Variants in TMEM212 observed in about 807,000 individuals in gnomAD.
TMEM212 encodes transmembrane protein 212.
In TMEM212, 23 loss-of-function variants were observed where a neutral mutation model predicts 20.5. The observed-to-expected ratio is 1.12, with a 90% CI of 0.81 to 1.59. The LOEUF is 1.59. Among genes scored for constraint, TMEM212 ranks in the 40% most tolerant of loss-of-function variants. TMEM212 has a pLI of 0.00. For synonymous variants in TMEM212, 76 were observed against 81.6 expected (o/e 0.93, Z 0.37); for missense variants, 211 against 215.0 (o/e 0.98, Z 0.12).
chr3:171,857,215 A>T (rs891553554), intron 4 of TMEM212, among the ~76,000 whole-genome samples: 1 of 152,148 alleles, frequency 6.6e-6, no homozygotes, highest in Non-Finnish European at 1.5e-5. Context: ...ATAAAATAAA[A>T]ATGGTTTACA....
At position 171,847,849 on chromosome 3, in the gene TMEM212, G is replaced by A. The variant is rs911842609; in HGVS notation, c.160-4133G>A. Among the ~76,000 whole-genome samples the A allele has an allele frequency of 2.6e-5, 4 of 152,132 alleles. No homozygotes were observed. In the South Asian group the frequency reaches 6.2e-4, roughly 24 times the overall value. On this transcript the variant is annotated intron_variant, in intron 1 of 4. Coordinates refer to ENST00000334567, the MANE Select transcript of TMEM212 (RefSeq NM_001164436.2). ...TGATCAGATATTGAGACTAGGGGGG[G>A]TTCTTGCTAAACTGACTCATCAGCA... is the stretch of plus-strand genomic sequence containing the variant.
chr3:171,843,896 A>G (rs1198615205), intron 1 of TMEM212, among the ~76,000 whole-genome samples: 1 of 152,250 alleles, frequency 6.6e-6, no homozygotes, highest in Non-Finnish European at 1.5e-5. Context: ...AACCTTGAAA[A>G]GTAATTTTAA....
intron 1 of TMEM212, among the ~76,000 whole-genome samples, chr3:171,850,752 G>T (rs1200954052): frequency 6.6e-6 from 1 of 152,264 alleles, no homozygotes. Context: ...ACTACAGATG[G>T]TTCTGTTTTT....
Position 171,846,919 on chromosome 3 carries a change from A to T in TMEM212, c.159+3377A>T, listed in dbSNP as rs142218290. 1.5e-3 allele frequency among the ~76,000 whole-genome samples: 234 copies of T among 152,300 alleles called. 1 individual carries two copies. The highest frequency in any genetic ancestry group is 2.8e-3 in the Non-Finnish European group (188 of 68,028). On this transcript the variant is annotated intron_variant, in intron 1 of 4. Transcript: ENST00000334567. The stretch of plus-strand genomic sequence containing the variant: ...CCAGTGACAAGATTTGTACATTTCA[A>T]CCATATTAACATTTCCTTTTACAGA...
chr3:171,847,288 G>A (rs1724854348), intron 1 of TMEM212, among the ~76,000 whole-genome samples: 1 of 152,228 alleles, frequency 6.6e-6, no homozygotes, highest in Admixed American at 6.5e-5. Context: ...GGGCTGGACA[G>A]CCCAGTGACT....
chr3:171,845,806 T>C (rs1407946128), intron 1 of TMEM212, among the ~76,000 whole-genome samples: 4 of 152,046 alleles, frequency 2.6e-5, no homozygotes, highest in Non-Finnish European at 5.9e-5. Flanking sequence ...ATCTGTAAAA[T>C]GGGGAATTTT....
chr3:171,858,006 T>C (rs1725157636), intron 4 of TMEM212, 55 bp from the exon 5 acceptor site: 1 of 152,102 alleles, frequency 6.6e-6, no homozygotes, highest in Non-Finnish European at 1.5e-5. Flanking sequence ...CAAGGTAATT[T>C]ATAGATTCAA....
intron 3 of TMEM212, 124 bp downstream of exon 3, chr3:171,853,974 C>A (rs1354913555): frequency 1.4e-6 from 1 of 721,864 alleles, no homozygotes; most frequent in Non-Finnish European, 2.2e-6. Context: ...CTTTTGATAT[C>A]CAGGTCTGGC....
chr3:171,847,102 C>G (rs770742881), intron 1 of TMEM212, among the ~76,000 whole-genome samples: 2 of 152,212 alleles, frequency 1.3e-5, no homozygotes, highest in South Asian at 4.1e-4. Flanking sequence ...ATATGACAAG[C>G]AATTTTCCTA....
At position 171,853,818 on chromosome 3, in the gene TMEM212, T is replaced by C. The variant is rs1404477688; in HGVS notation, c.511T>C (p.Ser171Pro). Residue 171 changes from serine (S) to proline (P), a missense_variant, in exon 3 of 5, where the codon TCT (serine) becomes CCT (proline). Ser to Pro is a moderately conservative substitution (Grantham distance 74). Transcript: ENST00000334567. ...CTSLTVFIKL[S>P]ARLIQNGHIN... ...ATCCTTGACAGTGTTCATCAAACTT[T>C]CTGCAAGACTTATCCAGAATGGACA... 5.9e-6 allele frequency: 9 copies of C among 1,536,746 alleles called. No individual in the cohort carries two copies. Among genetic ancestry groups the C allele is most frequent in the Non-Finnish European group, 7.8e-6 (9 of 1,146,696 alleles).
chr3:171,845,599 G>A (rs1351932844), intron 1 of TMEM212, among the ~76,000 whole-genome samples: 1 of 152,102 alleles, frequency 6.6e-6, no homozygotes, highest in Non-Finnish European at 1.5e-5. Context: ...TTACCAGTTA[G>A]GCCCGGAGAA....
Position 171,856,689 on chromosome 3 carries a change from C to T in TMEM212, c.570C>T (p.Asn190=), listed in dbSNP as rs1199727481. 15 of 687,650 alleles carry T rather than the reference C, an allele frequency of 2.2e-5. No individual in the cohort carries two copies. Among genetic ancestry groups the T allele is most frequent in the Non-Finnish European group, 3.5e-5 (13 of 376,204 alleles). 42.6% of individuals were successfully genotyped at this position (687,650 alleles called of 1,614,324 possible). ...TGCAACTCCCTGCTGGGAACCCAAA[C>T]CCTTTTTCACCATAAAAGGTAAAAT... ...INMQLPAGNP[N]PFSP The change falls in exon 4 of 5, where the codon AAC becomes AAT. Residue 190 remains asparagine, a synonymous_variant. Transcript: ENST00000334567.
At chr3:171,848,464 T>C (rs1002369701) in intron 1 of TMEM212, among the ~76,000 whole-genome samples, 1 of 152,170 alleles carries the variant, frequency 6.6e-6, no homozygotes, top group Non-Finnish European at 1.5e-5. Context: ...TCAGATTTTA[T>C]GCCTAGGTAA....
intron 1 of TMEM212, among the ~76,000 whole-genome samples, chr3:171,847,407 G>A (rs1159898488): frequency 1.3e-5 from 2 of 152,214 alleles, no homozygotes; most frequent in Non-Finnish European, 2.9e-5. Context: ...CGGAAGTTCT[G>A]CCCCTTCCTC....
At position 171,858,393 on chromosome 3, in the gene TMEM212, C is replaced by T. The variant is rs948831407; in HGVS notation, c.*336C>T. ...TATGTAGAAAGCTGAAACTGGATCC[C>T]TTCCTTACACCTTATATAAAAATTA... On this transcript the variant is annotated 3_prime_UTR_variant, in exon 5 of 5. Coordinates refer to ENST00000334567, the MANE Select transcript of TMEM212 (RefSeq NM_001164436.2). 1 of 152,060 alleles carries T rather than the reference C, an allele frequency of 6.6e-6. No homozygotes were observed. The highest frequency in any genetic ancestry group is 1.5e-5 in the Non-Finnish European group (1 of 68,038). 9.4% of individuals were successfully genotyped at this position (152,060 alleles called of 1,614,324 possible).
chr3:171,858,827 G>A lies in TMEM212; in HGVS notation c.*770G>A, dbSNP rs551373566. On this transcript the variant is annotated 3_prime_UTR_variant, in exon 5 of 5. Transcript: ENST00000334567. ...ACAGACACACATAATCCCAAATCAT[G>A]CTACTATAAAGACACATGCACACGT... is the stretch of plus-strand genomic sequence containing the variant. 6.6e-6 allele frequency: 1 copy of A among 152,094 alleles called. No individual in the cohort carries two copies. The highest frequency in any genetic ancestry group is 2.1e-4 in the South Asian group (1 of 4,818). The allele number at this position is 152,094 out of a possible 1,614,324, so 9.4% of individuals were successfully genotyped here.
At chr3:171,844,126 A>G (rs1250662405) in intron 1 of TMEM212, among the ~76,000 whole-genome samples, 1 of 152,226 alleles carries the variant, frequency 6.6e-6, no homozygotes, top group Non-Finnish European at 1.5e-5. Flanking sequence ...CTAGGAAAGT[A>G]CATGTGCCAA....
At chr3:171,850,280 T>C (rs1029988557) in intron 1 of TMEM212, among the ~76,000 whole-genome samples, 5 of 152,164 alleles carry the variant, frequency 3.3e-5, no homozygotes, top group African/African-American at 1.2e-4. Context: ...ACTGAAGGCA[T>C]TCATACTCAG....
In TMEM212 at chr3:171,843,477, T is replaced by C. The variant is rs1268646161; in HGVS notation, c.94T>C (p.Ser32Pro). Residue 32 changes from serine to proline, a missense_variant, in exon 1 of 5, where the codon TCT (serine) becomes CCT (proline). Ser to Pro is a moderately conservative substitution (Grantham distance 74). Coordinates refer to ENST00000334567, the MANE Select transcript of TMEM212 (RefSeq NM_001164436.2). The part of the protein sequence containing the change: ...SGVIAFFPVF[S>P]YKPWFTGWSV... ...AGTTATTGCTTTCTTTCCTGTCTTT[T>C]CTTACAAGCCTTGGTTCACAGGATG... The C allele has an allele frequency of 6.5e-7, 1 of 1,537,204 alleles. No homozygotes were observed. The highest frequency in any genetic ancestry group is 2.4e-5 in the East Asian group (1 of 40,912).
Sources: allele counts gnomAD v4.1 joint callset (sites outside exome capture counted in the v4.1 genomes callset), GRCh38; gene constraint gnomAD v4.1.1; transcripts MANE v1.5; gene names NCBI Gene and HGNC (gene_info 2026-07-23, HGNC 2026-07-21).